Variants in EXOC5 observed in about 807,000 individuals in gnomAD.
The protein encoded by EXOC5 is exocyst complex component 5, also known as SEC10-like 1.
Under a neutral mutation model 90.8 loss-of-function variants are expected in EXOC5, and 17 were observed. The observed-to-expected ratio is 0.19, with a 90% confidence interval of 0.13 to 0.28. The LOEUF is 0.28. Among genes scored for constraint, EXOC5 ranks in the 10% least tolerant of loss-of-function variants. The pLI is 1.00. For synonymous variants in EXOC5, 260 were observed against 270.0 expected (o/e 0.96, Z 0.36); for missense variants, 569 against 830.6 (o/e 0.69, Z 3.87).
chr14:57,268,740 C>A lies in EXOC5; in HGVS notation c.-92G>T. On this transcript the variant is annotated 5_prime_UTR_variant, in exon 1 of 18. Transcript: ENST00000621441. ...GCGCGGCGCACAGGTCTCCGCTCGG[C>A]TCGCCAGCTCCGGCTCCGGGCCGCT... is the stretch of plus-strand genomic sequence containing the variant. 6.7e-7 allele frequency: 1 copy of A among 1,491,852 alleles called. No homozygotes were observed. The highest frequency in any genetic ancestry group is 8.9e-7 in the Non-Finnish European group (1 of 1,125,578). 92.4% of individuals were successfully genotyped at this position (1,491,852 alleles called of 1,614,324 possible).
At chr14:57,247,205 T>C (rs1042213541) in intron 2 of EXOC5, among the ~76,000 whole-genome samples, 1 of 152,124 alleles carries the variant, frequency 6.6e-6, no homozygotes, top group African/African-American at 2.4e-5. Context: ...AGAAATACAC[T>C]TTATAGCCTA....
At position 57,244,048 on chromosome 14, in the gene EXOC5, T is replaced by A. The variant is rs916715548; in HGVS notation, c.465+117A>T. On this transcript the variant is annotated intron_variant, in intron 4 of 17. Coordinates refer to ENST00000621441, the MANE Select transcript of EXOC5 (RefSeq NM_006544.4). ...TACATTTCAGAACAATAAAAACTTT[T>A]AATAAGTCAGCTACTCAGTGATTTG... is the stretch of plus-strand genomic sequence containing the variant. The A allele has an allele frequency of 1.2e-5, 8 of 668,274 alleles. No homozygotes were observed. In the African/African-American group the frequency reaches 1.5e-4, roughly 12 times the overall value. The allele number at this position is 668,274 out of a possible 1,614,324, so 41.4% of individuals were successfully genotyped here.
chr14:57,209,970 A>C lies in EXOC5; in HGVS notation c.1705T>G (p.Leu569Val). Residue 569 changes from leucine (L) to valine (V), a missense_variant, in exon 16 of 18, where the codon TTG becomes GTG. This residue lies in a region of EXOC5 where 122 missense variants were observed against 180.0 expected (regional missense o/e 0.68). Coordinates refer to ENST00000621441, the MANE Select transcript of EXOC5 (RefSeq NM_006544.4). ...DFKPEDENNV[L>V]IQYTNACVKV... The stretch of plus-strand genomic sequence containing the variant: ...TTACTCACATTAGTATATTGAATCA[A>C]AACATTGTTTTCATCTTCTGGCTTA... The C allele has an allele frequency of 6.4e-7, 1 of 1,554,536 alleles. No homozygotes were observed. The highest frequency in any genetic ancestry group is 2.3e-5 in the East Asian group (1 of 44,278).
chr14:57,241,015 C>A (rs1594670527), intron 4 of EXOC5, among the ~76,000 whole-genome samples: 1 of 151,952 alleles, frequency 6.6e-6, no homozygotes, highest in South Asian at 2.1e-4. Flanking sequence ...ACCACACCCG[C>A]TAATTTTGGT....
intron 1 of EXOC5, 60 bp from the exon 2 acceptor site, chr14:57,247,772 A>T: frequency 1.2e-6 from 1 of 813,614 alleles, no homozygotes; most frequent in Non-Finnish European, 1.9e-6. Flanking sequence ...AATATTACTT[A>T]TAAAATTAAA....
intron 1 of EXOC5, 130 bp from the exon 2 acceptor site, chr14:57,247,842 T>C (rs1275604178): frequency 1.5e-5 from 7 of 456,218 alleles, no homozygotes; most frequent in Admixed American, 8.0e-5. Flanking sequence ...TACATCTATA[T>C]TATTAAAATG....
At chr14:57,220,471 G>A (rs947830986) in intron 13 of EXOC5, among the ~76,000 whole-genome samples, 5 of 151,990 alleles carry the variant, frequency 3.3e-5, no homozygotes, top group African/African-American at 9.7e-5. Flanking sequence ...CAGAAAAACT[G>A]GCACACACAA....
At chr14:57,266,531 A>C (rs1884672742) in intron 1 of EXOC5, among the ~76,000 whole-genome samples, 1 of 152,158 alleles carries the variant, frequency 6.6e-6, no homozygotes, top group South Asian at 2.1e-4. Flanking sequence ...ACATATAGTC[A>C]AGAAAAAAAG....
At chr14:57,247,333 T>C (rs1392980054) in intron 2 of EXOC5, among the ~76,000 whole-genome samples, 1 of 152,224 alleles carries the variant, frequency 6.6e-6, no homozygotes, top group African/African-American at 2.4e-5. Context: ...TTAATGTTTT[T>C]ATTTTAGAAG....
chr14:57,265,288 T>C (rs1271479336), intron 1 of EXOC5, among the ~76,000 whole-genome samples: 2 of 152,172 alleles, frequency 1.3e-5, no homozygotes, highest in Non-Finnish European at 2.9e-5. Context: ...CCCTAGTTAC[T>C]AACCAAGAAC....
At chr14:57,251,132 A>G (rs1884177285) in intron 1 of EXOC5, among the ~76,000 whole-genome samples, 1 of 152,234 alleles carries the variant, frequency 6.6e-6, no homozygotes, top group African/African-American at 2.4e-5. Flanking sequence ...GGGAAGGCTT[A>G]GACAAGAAAA....
intron 12 of EXOC5, among the ~76,000 whole-genome samples, chr14:57,228,409 G>T (rs1883377286): frequency 6.6e-6 from 1 of 152,128 alleles, no homozygotes; most frequent in Non-Finnish European, 1.5e-5. Flanking sequence ...GCACACGTAT[G>T]TTTACTGCAG....
At chr14:57,224,918 C>T (rs1005225686) in intron 12 of EXOC5, among the ~76,000 whole-genome samples, 14 of 151,974 alleles carry the variant, frequency 9.2e-5, no homozygotes, top group East Asian at 5.8e-4. Context: ...AAAACTCAGC[C>T]GGGCATGGTG....
chr14:57,252,250 T>C (rs374305042), intron 1 of EXOC5, among the ~76,000 whole-genome samples: 1 of 152,210 alleles, frequency 6.6e-6, no homozygotes, highest in South Asian at 2.1e-4. Flanking sequence ...ACAAAGACTG[T>C]ACAAGGAAAC....
chr14:57,213,161 T>C (rs1253766746), intron 15 of EXOC5, among the ~76,000 whole-genome samples: 1 of 151,724 alleles, frequency 6.6e-6, no homozygotes, highest in African/African-American at 2.4e-5. Flanking sequence ...AAGTGGAGGA[T>C]CACTTGAGCC....
chr14:57,257,766 G>A (rs1884394078), intron 1 of EXOC5, among the ~76,000 whole-genome samples: 1 of 152,160 alleles, frequency 6.6e-6, no homozygotes, highest in Admixed American at 6.5e-5. Context: ...ACTTTATCTT[G>A]CTGCAAAGGC....
intron 1 of EXOC5, among the ~76,000 whole-genome samples, chr14:57,250,865 T>C (rs1884168817): frequency 6.6e-6 from 1 of 152,188 alleles, no homozygotes; most frequent in Admixed American, 6.5e-5. Context: ...CTACAATGTT[T>C]TTCTTAAAAG....
At chr14:57,229,926 T>G (rs529284480) in intron 11 of EXOC5, 45 bp from the exon 12 acceptor site, 27 of 1,246,570 alleles carry the variant, frequency 2.2e-5, no homozygotes, top group Non-Finnish European at 2.8e-5. Context: ...ACATTTTACT[T>G]AGATTTCAAC....
chr14:57,240,331 G>A (rs910612759), intron 4 of EXOC5, among the ~76,000 whole-genome samples: 6 of 151,858 alleles, frequency 4.0e-5, no homozygotes, highest in African/African-American at 1.4e-4. Context: ...CTTAAGGCTG[G>A]AGTGCAATGG....
Sources: gnomAD v4.1 joint callset for allele counts (sites outside exome capture counted in the v4.1 genomes callset) on GRCh38, gnomAD v4.1.1 for gene constraint, gnomAD v4.1.1 regional missense constraint, MANE v1.5 for transcripts, NCBI Gene and HGNC (gene_info 2026-07-23, HGNC 2026-07-21) for gene names.